The following HNRNPC variants were observed in gnomAD, a reference collection of about 807,000 sequenced individuals.
HNRNPC encodes heterogeneous nuclear ribonucleoproteins C1/C2.
A neutral mutation model predicts 33.2 loss-of-function variants in HNRNPC; 3 were observed. That is an observed-to-expected ratio of 0.09 (90% CI 0.04 to 0.23). The LOEUF (loss-of-function observed/expected upper bound fraction) is 0.23, where lower values mean the gene tolerates loss of function less well. Ranked by LOEUF, HNRNPC falls within the 10% of genes least tolerant of loss-of-function variation. HNRNPC has a pLI of 1.00. For synonymous variants in HNRNPC, 121 were observed against 126.7 expected (o/e 0.96, Z 0.30); for missense variants, 143 against 366.7 (o/e 0.39, Z 4.98).
intron 5 of HNRNPC, among the ~76,000 whole-genome samples, chr14:21,214,392 A>C (rs1401464253): frequency 6.6e-6 from 1 of 152,200 alleles, no homozygotes; most frequent in Non-Finnish European, 1.5e-5. Flanking sequence ...CTGTTAACTT[A>C]AAAGTGTTTC....
intron 2 of HNRNPC, among the ~76,000 whole-genome samples, chr14:21,259,313 G>A (rs1355846951): frequency 6.6e-6 from 1 of 151,906 alleles, no homozygotes; most frequent in African/African-American, 2.4e-5. Context: ...TCTCATCCAC[G>A]CTCTTCTTTT....
At chr14:21,216,708 CAA>C (rs1160370629) in intron 5 of HNRNPC, among the ~76,000 whole-genome samples, 2 of 152,066 alleles carry the variant, frequency 1.3e-5, no homozygotes, top group Non-Finnish European at 2.9e-5. Flanking sequence ...GACTCCGTCA[CAA>C]AACAAAAATT....
intron 2 of HNRNPC, among the ~76,000 whole-genome samples, chr14:21,256,554 T>C (rs1335221690): frequency 2.0e-5 from 3 of 152,090 alleles, no homozygotes; most frequent in African/African-American, 4.8e-5. Flanking sequence ...ACAAACCTAT[T>C]ATATATAATA....
intron 2 of HNRNPC, among the ~76,000 whole-genome samples, chr14:21,237,724 T>C (rs566822608): frequency 4.6e-5 from 7 of 152,334 alleles, no homozygotes; most frequent in Admixed American, 3.3e-4. Context: ...AGCATCCTTT[T>C]ATAGTAGTAC....
chr14:21,265,734 C>T (rs1308394497), intron 1 of HNRNPC, among the ~76,000 whole-genome samples: 2 of 152,192 alleles, frequency 1.3e-5, no homozygotes, highest in Admixed American at 1.3e-4. Context: ...GCTGAGATGA[C>T]ACTACTGCAC....
Position 21,231,027 on chromosome 14 carries a change from C to G in HNRNPC, c.287G>C (p.Gly96Ala). Residue 96 changes from glycine (G) to alanine (A), a missense_variant, in exon 4 of 9, where the codon GGT becomes GCT. By Grantham distance (60) the Gly-to-Ala change is moderately conservative (BLOSUM62 0). Around this residue, in one of 2 missense-constraint regions of HNRNPC, gnomAD observed 131 missense variants for 253.0 expected, o/e 0.52. Coordinates refer to ENST00000553300, the MANE Select transcript of HNRNPC (RefSeq NM_004500.4). ...CATCTCCGCTGCAGATCGTTTCACA[C>G]CTGCTTTTCCTCGGTTCACTTTTGG... ...AEPKVNRGKA[G>A]VKRSAAEMYG... is the part of the protein sequence containing the mutation. The G allele has an allele frequency of 6.2e-7, 1 of 1,614,212 alleles. No individual in the cohort carries two copies. The highest frequency in any genetic ancestry group is 8.5e-7 in the Non-Finnish European group (1 of 1,180,042).
At chr14:21,256,249 T>A (rs929718850) in intron 2 of HNRNPC, among the ~76,000 whole-genome samples, 5 of 152,054 alleles carry the variant, frequency 3.3e-5, no homozygotes, top group African/African-American at 1.2e-4. Flanking sequence ...AAATCGAGAC[T>A]ATCCTGGCCA....
At chr14:21,253,082 G>T (rs1896843161) in intron 2 of HNRNPC, among the ~76,000 whole-genome samples, 1 of 151,470 alleles carries the variant, frequency 6.6e-6, no homozygotes, top group Non-Finnish European at 1.5e-5. Context: ...ACTGAGGCAA[G>T]GGAATCGCTT....
chr14:21,233,835 A>G, intron 3 of HNRNPC, 118 bp downstream of exon 3: 1 of 1,254,708 alleles, frequency 8.0e-7, no homozygotes, highest in South Asian at 1.5e-5. Context: ...ATTAGGCTAA[A>G]CAGTCGCAAT....
At chr14:21,246,194 C>A (rs754217964) in intron 2 of HNRNPC, among the ~76,000 whole-genome samples, 1 of 152,110 alleles carries the variant, frequency 6.6e-6, no homozygotes, top group Non-Finnish European at 1.5e-5. Flanking sequence ...ATGCAGCACA[C>A]GGCTCTATAT....
intron 2 of HNRNPC, among the ~76,000 whole-genome samples, chr14:21,257,383 A>T (rs1035038838): frequency 9.6e-6 from 1 of 103,952 alleles, no homozygotes; most frequent in Non-Finnish European, 2.0e-5. Context: ...GAAGCAAAGT[A>T]AAAAAAAAAT....
intron 5 of HNRNPC, among the ~76,000 whole-genome samples, chr14:21,222,093 A>G (rs182491349): frequency 8.7e-4 from 132 of 151,484 alleles, no homozygotes; most frequent in African/African-American, 3.0e-3. Context: ...AAAGACATTC[A>G]ATATTTTTAA....
intron 2 of HNRNPC, among the ~76,000 whole-genome samples, chr14:21,251,856 T>A (rs954409674): frequency 6.6e-6 from 1 of 152,176 alleles, no homozygotes; most frequent in African/African-American, 2.4e-5. Context: ...TCAGTTAAGA[T>A]CAGTTTTTTT....
At chr14:21,215,916 AGG>A (rs756252924) in intron 5 of HNRNPC, among the ~76,000 whole-genome samples, 23 of 136,474 alleles carry the variant, frequency 1.7e-4, no homozygotes, top group South Asian at 2.2e-4. Context: ...AAAAAAAGAA[AGG>A]AAGAAAGAAA....
At chr14:21,214,877 T>C (rs1397702275) in intron 5 of HNRNPC, among the ~76,000 whole-genome samples, 2 of 152,170 alleles carry the variant, frequency 1.3e-5, no homozygotes, top group Non-Finnish European at 1.5e-5. Context: ...AAATAAGTTA[T>C]CCATATCCAT....
intron 2 of HNRNPC, among the ~76,000 whole-genome samples, chr14:21,254,847 G>A (rs190541973): frequency 2.0e-5 from 3 of 149,442 alleles, no homozygotes; most frequent in East Asian, 1.9e-4. Flanking sequence ...CGGAGGTTGC[G>A]GTAGGCGGAG....
At chr14:21,255,530 TTTC>T (rs1051174060) in intron 2 of HNRNPC, among the ~76,000 whole-genome samples, 50 of 152,294 alleles carry the variant, frequency 3.3e-4, no homozygotes, top group African/African-American at 1.1e-3. Flanking sequence ...TTTAAAGCAG[TTTC>T]TTCAACTATT....
At chr14:21,256,647 T>C (rs943793784) in intron 2 of HNRNPC, among the ~76,000 whole-genome samples, 5 of 151,806 alleles carry the variant, frequency 3.3e-5, no homozygotes, top group Admixed American at 3.3e-4. Context: ...GCTGACAGCA[T>C]TTTTTCCTTT....
intron 2 of HNRNPC, among the ~76,000 whole-genome samples, chr14:21,235,086 A>G (rs914189175): frequency 1.3e-5 from 2 of 152,172 alleles, no homozygotes; most frequent in African/African-American, 4.8e-5. Flanking sequence ...ATCTGTCTTT[A>G]TGTATGTGAT....
Sources: gnomAD v4.1 joint callset for allele counts (sites outside exome capture counted in the v4.1 genomes callset) on GRCh38, gnomAD v4.1.1 for gene constraint, gnomAD v4.1.1 regional missense constraint, MANE v1.5 for transcripts, NCBI Gene and HGNC (gene_info 2026-07-23, HGNC 2026-07-21) for gene names.